APBB2: variants seen among roughly 807,000 people sequenced by gnomAD.
APBB2 encodes the protein Fe65-like 1.
APBB2 carries 38 observed loss-of-function variants against 82.5 expected under a neutral mutation model. The ratio of observed to expected loss-of-function variants is 0.46; its 90% CI spans 0.36 to 0.60. The LOEUF (loss-of-function observed/expected upper bound fraction) is 0.60, where lower values mean the gene tolerates loss of function less well. Ranked by LOEUF, APBB2 falls within the 20% of genes least tolerant of loss-of-function variation. APBB2 has a pLI of 0.00. For missense variants in APBB2, 772 were observed against 972.3 expected, an observed-to-expected ratio of 0.79 and a Z score of 2.74; for synonymous variants, 341 against 368.2, an observed-to-expected ratio of 0.93 and a Z score of 0.85.
intron 6 of APBB2, among the ~76,000 whole-genome samples, chr4:40,994,165 T>C (rs1407122546): frequency 2.0e-5 from 3 of 151,926 alleles, no homozygotes; most frequent in Admixed American, 2.0e-4. Flanking sequence ...CGGGCGCCTG[T>C]AGTCCCAGCT....
At chr4:41,105,571 G>A (rs571492819) in intron 2 of APBB2, among the ~76,000 whole-genome samples, 1 of 152,134 alleles carries the variant, frequency 6.6e-6, no homozygotes, top group East Asian at 1.9e-4. Context: ...AAAATGCTGC[G>A]CATATGCACC....
At chr4:41,007,728 C>T (rs1006522884) in intron 6 of APBB2, among the ~76,000 whole-genome samples, 1 of 152,174 alleles carries the variant, frequency 6.6e-6, no homozygotes, top group African/African-American at 2.4e-5. Flanking sequence ...AGAGAGCATG[C>T]ATTAATGATC....
chr4:40,912,566 G>C (rs1778842683), intron 10 of APBB2, among the ~76,000 whole-genome samples: 1 of 140,776 alleles, frequency 7.1e-6, no homozygotes, highest in Admixed American at 7.4e-5. Context: ...GACAGAGCAA[G>C]ATTCCTTCTC....
chr4:40,824,641 C>T (rs1248460118), intron 15 of APBB2, among the ~76,000 whole-genome samples: 1 of 152,098 alleles, frequency 6.6e-6, no homozygotes, highest in Non-Finnish European at 1.5e-5. Context: ...GTACATGCCA[C>T]CATGCCCAGC....
chr4:40,992,049 T>G (rs1802254581), intron 6 of APBB2, among the ~76,000 whole-genome samples: 1 of 152,140 alleles, frequency 6.6e-6, no homozygotes, highest in Non-Finnish European at 1.5e-5. Context: ...GTGAAAACTG[T>G]TAAGGCTAAA....
intron 1 of APBB2, among the ~76,000 whole-genome samples, chr4:41,166,270 T>A (rs1394487105): frequency 6.6e-6 from 1 of 151,994 alleles, no homozygotes; most frequent in Admixed American, 6.5e-5. Context: ...GCTTGGTAGC[T>A]CACGCCTGTA....
chr4:41,025,961 AAAG>A (rs1713980988), intron 5 of APBB2, among the ~76,000 whole-genome samples: 4 of 149,872 alleles, frequency 2.7e-5, no homozygotes, highest in African/African-American at 1.0e-4. Flanking sequence ...AAAAAAAAAA[AAAG>A]AAAAAAAGGA....
intron 7 of APBB2, 74 bp downstream of exon 7, chr4:40,944,790 AG>A: frequency 1.4e-6 from 2 of 1,468,442 alleles, no homozygotes; most frequent in Non-Finnish European, 1.9e-6. Context: ...CTGTTGGGGC[AG>A]AAGCAACCAG....
intron 7 of APBB2, among the ~76,000 whole-genome samples, chr4:40,939,507 A>C (rs963536088): frequency 6.6e-6 from 1 of 152,222 alleles, no homozygotes; most frequent in Non-Finnish European, 1.5e-5. Context: ...ACCCTTGATT[A>C]AGTGTGGCCT....
At chr4:41,167,482 G>C (rs1163735121) in intron 1 of APBB2, among the ~76,000 whole-genome samples, 2 of 152,140 alleles carry the variant, frequency 1.3e-5, no homozygotes, top group African/African-American at 2.4e-5. Flanking sequence ...GACTCCAAGG[G>C]TTTTAGGAGC....
chr4:41,137,336 A>G (rs562430128), intron 2 of APBB2, among the ~76,000 whole-genome samples: 3 of 152,276 alleles, frequency 2.0e-5, no homozygotes, highest in African/African-American at 7.2e-5. Flanking sequence ...TTTTTTTCCA[A>G]ATGCAGAACA....
At chr4:40,881,661 G>A (rs761277301) in intron 12 of APBB2, among the ~76,000 whole-genome samples, 9 of 149,576 alleles carry the variant, frequency 6.0e-5, no homozygotes, top group African/African-American at 1.7e-4. Context: ...AGCCTCCCAA[G>A]TAGCTGAGAT....
At chr4:40,911,376 T>C (rs1007750821) in intron 10 of APBB2, among the ~76,000 whole-genome samples, 1 of 152,190 alleles carries the variant, frequency 6.6e-6, no homozygotes, top group Admixed American at 6.5e-5. Context: ...ATCATGTGTA[T>C]AAAGTGCTCA....
chr4:41,211,099 AC>A (rs1395166198), intron 1 of APBB2, among the ~76,000 whole-genome samples: 2 of 152,030 alleles, frequency 1.3e-5, no homozygotes, highest in African/African-American at 2.4e-5. Flanking sequence ...TACTAAAATT[AC>A]AAAAATTAGC....
chr4:41,168,543 T>C (rs1696675517), intron 1 of APBB2, among the ~76,000 whole-genome samples: 1 of 152,092 alleles, frequency 6.6e-6, no homozygotes, highest in South Asian at 2.1e-4. Context: ...ATTTGTTTTT[T>C]ATAACTTTGT....
intron 3 of APBB2, among the ~76,000 whole-genome samples, chr4:41,085,943 T>C (rs565780635): frequency 1.3e-5 from 2 of 152,024 alleles, no homozygotes; most frequent in South Asian, 4.2e-4. Flanking sequence ...AAATTGACAT[T>C]CCTTTAGGTA....
chr4:40,849,908 G>C (rs1758797101), intron 12 of APBB2, among the ~76,000 whole-genome samples: 1 of 151,766 alleles, frequency 6.6e-6, no homozygotes, highest in South Asian at 2.1e-4. Flanking sequence ...ATTTTTAGTA[G>C]AGACGGGGTT....
At chr4:41,195,256 T>C in intron 1 of APBB2, among the ~76,000 whole-genome samples, 1 of 152,186 alleles carries the variant, frequency 6.6e-6, no homozygotes, top group Non-Finnish European at 1.5e-5. Flanking sequence ...AATGATGGTA[T>C]CCATGGCTGA....
intron 2 of APBB2, among the ~76,000 whole-genome samples, chr4:41,135,877 C>T (rs1022133910): frequency 6.6e-6 from 1 of 152,166 alleles, no homozygotes; most frequent in African/African-American, 2.4e-5. Flanking sequence ...TGCTATGTTG[C>T]CCATGCTGGT....
Sources: allele counts gnomAD v4.1 joint callset (sites outside exome capture counted in the v4.1 genomes callset), GRCh38; gene constraint gnomAD v4.1.1; transcripts MANE v1.5; gene names NCBI Gene and HGNC (gene_info 2026-07-23, HGNC 2026-07-21).